The following MCPH1 variants were observed in gnomAD, a reference collection of about 807,000 sequenced individuals.
The protein encoded by MCPH1 is microcephalin.
Under a neutral mutation model 84.5 loss-of-function variants are expected in MCPH1, and 104 were observed. The observed-to-expected ratio is 1.23, with a 90% CI of 1.05 to 1.45. MCPH1 has a LOEUF of 1.45. MCPH1 is among the 40% of genes most tolerant of loss of function. The probability of loss-of-function intolerance (pLI) is 0.00; values close to 1 mark genes in which losing one functional copy is unlikely to be tolerated. For synonymous variants in MCPH1, 514 were observed against 366.8 expected (o/e 1.40, Z -4.58); for missense variants, 1,498 against 1,005.7 (o/e 1.49, Z -6.62).
chr8:6,493,874 C>T (rs999283609), intron 11 of MCPH1, among the ~76,000 whole-genome samples: 3 of 152,156 alleles, frequency 2.0e-5, no homozygotes, highest in South Asian at 4.2e-4. Context: ...CAGTAATCCT[C>T]TGTGGAAACT....
At chr8:6,633,666 C>T (rs1648114) in intron 13 of MCPH1, among the ~76,000 whole-genome samples, 3 of 152,236 alleles carry the variant, frequency 2.0e-5, no homozygotes, top group African/African-American at 7.2e-5. Flanking sequence ...TCCATGCACA[C>T]CCAAATTCCC....
intron 12 of MCPH1, among the ~76,000 whole-genome samples, chr8:6,543,258 A>C (rs1232561094): frequency 6.6e-6 from 1 of 152,220 alleles, no homozygotes; most frequent in Non-Finnish European, 1.5e-5. Context: ...GCGGGAACAC[A>C]AGCCATCTTC....
At chr8:6,452,601 G>A (rs1469004965) in intron 8 of MCPH1, among the ~76,000 whole-genome samples, 1 of 152,216 alleles carries the variant, frequency 6.6e-6, no homozygotes, top group Non-Finnish European at 1.5e-5. Flanking sequence ...TGGATAGGGT[G>A]ATCTTTGGAA....
intron 12 of MCPH1, among the ~76,000 whole-genome samples, chr8:6,544,964 C>T (rs1822294162): frequency 6.6e-6 from 1 of 152,136 alleles, no homozygotes; most frequent in Non-Finnish European, 1.5e-5. Flanking sequence ...AAATGTTGCT[C>T]CATGGAGACT....
At chr8:6,430,786 G>A (rs1801729390) in intron 3 of MCPH1, among the ~76,000 whole-genome samples, 1 of 152,202 alleles carries the variant, frequency 6.6e-6, no homozygotes, top group Middle Eastern at 3.4e-3. Context: ...ATCTAGGTTG[G>A]GAAGAAATTT....
chr8:6,557,772 G>A (rs959604380), intron 12 of MCPH1, among the ~76,000 whole-genome samples: 9 of 151,792 alleles, frequency 5.9e-5, no homozygotes, highest in Admixed American at 5.2e-4. Context: ...ATTAAGTACC[G>A]TAAACATCCT....
chr8:6,447,329 T>C (rs2129556032), intron 8 of MCPH1: 4 of 985,344 alleles, frequency 4.1e-6, no homozygotes, highest in Non-Finnish European at 4.8e-6. Flanking sequence ...GGTGAAATTA[T>C]GGAGGGGTGA....
At chr8:6,554,860 T>C (rs1824313019) in intron 12 of MCPH1, among the ~76,000 whole-genome samples, 3 of 152,148 alleles carry the variant, frequency 2.0e-5, no homozygotes, top group South Asian at 2.1e-4. Context: ...TAAGTCCAGT[T>C]CTCAGGAGTT....
At position 6,455,194 on chromosome 8, in the gene MCPH1, G is replaced by C; in HGVS notation, c.1877G>C (p.Gly626Ala). Reference sequence around the variant, plus strand: ...GATGTTTTAGATGACTCATGTGACGGCTTTAAGGACCTCATCAAACCTCAT... The same window carrying C: ...GATGTTTTAGATGACTCATGTGACGCCTTTAAGGACCTCATCAAACCTCAT... The part of the protein sequence containing the change: ...RHDVLDDSCD[G>A]FKDLIKPHEE... The change falls in exon 9 of 14, where the codon GGC (glycine) becomes GCC (alanine). Residue 626 changes from glycine to alanine, a missense_variant. Transcript: ENST00000344683. 6.2e-7 allele frequency: 1 copy of C among 1,614,044 alleles called. No homozygotes were observed. Among genetic ancestry groups the C allele is most frequent in the South Asian group, 1.1e-5 (1 of 91,086 alleles).
intron 12 of MCPH1, among the ~76,000 whole-genome samples, chr8:6,598,004 C>T (rs1447313486): frequency 6.6e-6 from 1 of 152,200 alleles, no homozygotes; most frequent in Non-Finnish European, 1.5e-5. Context: ...AATAAACAGC[C>T]ACATTTCCAG....
At chr8:6,447,871 T>C (rs1263526768) in intron 8 of MCPH1, among the ~76,000 whole-genome samples, 1 of 152,170 alleles carries the variant, frequency 6.6e-6, no homozygotes, top group Non-Finnish European at 1.5e-5. Context: ...TTCTAAAATC[T>C]TTAAAATCAT....
rs891121036 is a variant in MCPH1 at position 6,647,955 on chromosome 8, T to C, written c.*4906T>C. The C allele has an allele frequency of 6.6e-6, 1 of 152,164 alleles. No individual in the cohort carries two copies. The highest frequency in any genetic ancestry group is 2.4e-5 in the African/African-American group (1 of 41,430). The allele number at this position is 152,164 out of a possible 1,614,324, so 9.4% of individuals were successfully genotyped here. On this transcript the variant is annotated 3_prime_UTR_variant, in exon 14 of 14. Coordinates refer to ENST00000344683, the MANE Select transcript of MCPH1 (RefSeq NM_024596.5). ...AAAAAGAGAGAGAGAGAACGAGAGC[T>C]ACATGGCAGCCCCAGGGCAATAGCT...
chr8:6,588,520 C>T (rs1343898596), intron 12 of MCPH1, among the ~76,000 whole-genome samples: 1 of 152,208 alleles, frequency 6.6e-6, no homozygotes, highest in African/African-American at 2.4e-5. Flanking sequence ...GATCAGACAT[C>T]TCCCAGGGAG....
In MCPH1 at chr8:6,444,957, A is replaced by G. The variant is rs760817198; in HGVS notation, c.1235A>G (p.Tyr412Cys). ...LEALSCGESS[Y>C]DDYFSPDNLK... The stretch of plus-strand genomic sequence containing the variant: ...GCTCTTAGCTGTGGGGAGTCTTCAT[A>G]TGATGACTATTTTTCACCTGATAAT... Residue 412 changes from tyrosine (Y) to cysteine (C), a missense_variant, in exon 8 of 14, where the codon TAT becomes TGT. Transcript: ENST00000344683. The G allele has an allele frequency of 2.5e-6, 4 of 1,614,220 alleles. No homozygotes were observed. Among genetic ancestry groups the G allele is most frequent in the East Asian group, 2.2e-5 (1 of 44,884 alleles).
intron 12 of MCPH1, among the ~76,000 whole-genome samples, chr8:6,510,282 T>C (rs575792960): frequency 6.6e-6 from 1 of 152,098 alleles, no homozygotes; most frequent in East Asian, 1.9e-4. Context: ...TGTTGGCACG[T>C]TGGGTCCTCA....
At chr8:6,613,452 G>C (rs1213863762) in intron 12 of MCPH1, among the ~76,000 whole-genome samples, 2 of 152,154 alleles carry the variant, frequency 1.3e-5, no homozygotes, top group African/African-American at 4.8e-5. Context: ...GTCACGGGGG[G>C]GTGGTGGGCT....
chr8:6,449,993 GAA>G (rs2129556303), intron 8 of MCPH1, among the ~76,000 whole-genome samples: 1 of 28,364 alleles, frequency 3.5e-5, no homozygotes, highest in East Asian at 2.2e-3. Context: ...AGCAAAAGCA[GAA>G]AAGTCCTTCC....
In MCPH1 at chr8:6,644,673, G is replaced by C. The variant is rs1287429539; in HGVS notation, c.*1624G>C. 6.6e-6 allele frequency: 1 copy of C among 152,190 alleles called. No individual in the cohort carries two copies. The highest frequency in any genetic ancestry group is 1.5e-5 in the Non-Finnish European group (1 of 68,036). 9.4% of individuals were successfully genotyped at this position (152,190 alleles called of 1,614,324 possible). A position where few individuals can be genotyped will look rare whatever the true frequency, so the allele number is the denominator to read the frequency against. ...CAAGGAGAACCATAAACGAGATGCT[G>C]AGTCCCAGCGAGGTCGGAGGTGCCA... On this transcript the variant is annotated 3_prime_UTR_variant, in exon 14 of 14. Coordinates refer to ENST00000344683, the MANE Select transcript of MCPH1 (RefSeq NM_024596.5).
intron 11 of MCPH1, among the ~76,000 whole-genome samples, chr8:6,481,708 T>A (rs1809266464): frequency 5.3e-5 from 8 of 152,252 alleles, no homozygotes; most frequent in Admixed American, 4.6e-4. Flanking sequence ...TTAAAGAGAT[T>A]AGTGCTTCTA....
Sources: gnomAD v4.1 joint callset for allele counts (sites outside exome capture counted in the v4.1 genomes callset) on GRCh38, gnomAD v4.1.1 for gene constraint, MANE v1.5 for transcripts, NCBI Gene and HGNC (gene_info 2026-07-23, HGNC 2026-07-21) for gene names.